The following YY1 variants were observed in gnomAD, a reference collection of about 807,000 sequenced individuals.
YY1 encodes transcriptional repressor protein YY1.
Under a neutral mutation model 35.6 loss-of-function variants are expected in YY1, and 2 were observed. The observed-to-expected ratio is 0.06, with a 90% CI of 0.02 to 0.18. YY1 has a LOEUF of 0.18. YY1 is among the 10% of genes least tolerant of loss of function. The probability of loss-of-function intolerance (pLI) is 1.00; values close to 1 mark genes in which losing one functional copy is unlikely to be tolerated. For missense variants in YY1, 322 were observed against 573.4 expected, an observed-to-expected ratio of 0.56 and a Z score of 4.48; for synonymous variants, 268 against 238.9, an observed-to-expected ratio of 1.12 and a Z score of -1.12.
intron 1 of YY1, among the ~76,000 whole-genome samples, chr14:100,253,892 A>G (rs890605554): frequency 5.3e-5 from 8 of 151,756 alleles, no homozygotes; most frequent in African/African-American, 1.7e-4. Context: ...GTGCAATGGC[A>G]TGATCTCAGC....
At chr14:100,269,954 G>T (rs1280364477) in intron 2 of YY1, among the ~76,000 whole-genome samples, 1 of 152,054 alleles carries the variant, frequency 6.6e-6, no homozygotes, top group Admixed American at 6.6e-5. Flanking sequence ...AAATTTCCAT[G>T]ATAAAATATC....
At chr14:100,259,598 A>C (rs1891052606) in intron 1 of YY1, among the ~76,000 whole-genome samples, 1 of 152,178 alleles carries the variant, frequency 6.6e-6, no homozygotes, top group South Asian at 2.1e-4. Flanking sequence ...TAGGAGCTCA[A>C]AGAAAAGGTA....
intron 2 of YY1, among the ~76,000 whole-genome samples, chr14:100,270,445 T>A: frequency 9.6e-6 from 1 of 104,444 alleles, no homozygotes. Flanking sequence ...ACCCCGTCTC[T>A]ACTAAAAATA....
rs1216620564 is a variant in YY1, at chr14:100,249,764, G to GT, written c.679+9846dup. On this transcript the variant is annotated intron_variant, in intron 1 of 4. Coordinates refer to ENST00000262238, the MANE Select transcript of YY1 (RefSeq NM_003403.5). ...CTACTTACCGTTTTTTTTTTTGTTTGTTTTTGTTTTTGTTTTTGTTTTTTT... is the reference window on the plus strand; with the variant it reads ...CTACTTACCGTTTTTTTTTTTGTTTGTTTTTTGTTTTTGTTTTTGTTTTTTT... 9.8e-3 allele frequency among the ~76,000 whole-genome samples: 1,322 copies of GT among 135,160 alleles called. 21 individuals carry two copies. Among genetic ancestry groups the GT allele is most frequent in the African/African-American group, 0.037 (1,269 of 33,928 alleles). The allele number at this position is 135,160 out of a possible 152,430, so 88.7% of individuals were successfully genotyped here. A position where few individuals can be genotyped will look rare whatever the true frequency, so the allele number is the denominator to read the frequency against.
intron 1 of YY1, among the ~76,000 whole-genome samples, chr14:100,256,034 G>A (rs897572480): frequency 6.6e-6 from 1 of 152,072 alleles, no homozygotes; most frequent in Non-Finnish European, 1.5e-5. Context: ...CTACTTGGGA[G>A]GTTGCAGCAG....
chr14:100,257,658 G>C (rs967663533), intron 1 of YY1, among the ~76,000 whole-genome samples: 1 of 151,926 alleles, frequency 6.6e-6, no homozygotes, highest in African/African-American at 2.4e-5. Flanking sequence ...GCAAACCAGG[G>C]AGTAGGTCCT....
At chr14:100,255,926 C>A (rs1044119854) in intron 1 of YY1, among the ~76,000 whole-genome samples, 6 of 152,074 alleles carry the variant, frequency 3.9e-5, no homozygotes, top group African/African-American at 1.5e-4. Context: ...CTTCTCCTCT[C>A]TGACTGTATT....
chr14:100,276,285 T>C lies in YY1; in HGVS notation c.904-205T>C. 1.5e-6 allele frequency: 1 copy of C among 654,142 alleles called. No homozygotes were observed. The highest frequency in any genetic ancestry group is 1.9e-5 in the South Asian group (1 of 51,944). The allele number at this position is 654,142 out of a possible 1,614,324, so 40.5% of individuals were successfully genotyped here. A position where few individuals can be genotyped will look rare whatever the true frequency, so the allele number is the denominator to read the frequency against. On this transcript the variant is annotated intron_variant, in intron 3 of 4. Transcript: ENST00000262238. This position sits in a 1 kb window ranked among gnomAD's most constrained non-coding sequence, Gnocchi z 4.1. ...GCCTCAGTTTCCTCATCTGTAAAAC[T>C]AGGGTTTGCATTGAATGATGACTTT...
At chr14:100,249,755 TTTTTGTTTGTTTTTG>T (rs1566771321) in intron 1 of YY1, among the ~76,000 whole-genome samples, 3 of 79,798 alleles carry the variant, frequency 3.8e-5, no homozygotes, top group Non-Finnish European at 5.0e-5. Flanking sequence ...ACCGTTTTTT[TTTTTGTTTGTTTTTG>T]TTTTTGTTTT....
Position 100,261,055 on chromosome 14 carries a change from C to G in YY1, c.680-1249C>G, listed in dbSNP as rs1047077383. On this transcript the variant is annotated intron_variant, in intron 1 of 4. Transcript: ENST00000262238. ...TAAGTGATCCTCCTGTCTTGATCTC[C>G]CAGAGTGCTGGGATTACAGGCATGA... Among the ~76,000 whole-genome samples the G allele has an allele frequency of 5.9e-5, 9 of 151,826 alleles. 1 individual carries two copies. The highest frequency in any genetic ancestry group is 2.2e-4 in the African/African-American group (9 of 41,328).
chr14:100,273,892 C>A (rs2146103), intron 2 of YY1, among the ~76,000 whole-genome samples: 38,246 of 151,940 alleles, frequency 0.25, 4,924 homozygotes, highest in Middle Eastern at 0.35. Context: ...AGGTAAGTTA[C>A]CAAACCAGGA....
Position 100,281,240 on chromosome 14 carries a change from T to C in YY1, c.*3640T>C, listed in dbSNP as rs892721456. On this transcript the variant is annotated 3_prime_UTR_variant, in exon 5 of 5. Coordinates refer to ENST00000262238, the MANE Select transcript of YY1 (RefSeq NM_003403.5). Reference sequence around the variant, plus strand: ...CTTTAATTATTTAATTATTCTTTAATAATCCTTCTATTTTCTTGACATCTG... The same window carrying C: ...CTTTAATTATTTAATTATTCTTTAACAATCCTTCTATTTTCTTGACATCTG... 2 of 152,012 alleles carry C rather than the reference T, an allele frequency of 1.3e-5. No individual in the cohort carries two copies. Among genetic ancestry groups the C allele is most frequent in the Non-Finnish European group, 2.9e-5 (2 of 68,012 alleles). 9.4% of individuals were successfully genotyped at this position (152,012 alleles called of 1,614,324 possible). A position where few individuals can be genotyped will look rare whatever the true frequency, so the allele number is the denominator to read the frequency against.
chr14:100,242,532 G>A (rs1890766071), intron 1 of YY1, among the ~76,000 whole-genome samples: 1 of 151,682 alleles, frequency 6.6e-6, no homozygotes. Context: ...GGGACTACAG[G>A]CGCCCACCAC....
intron 1 of YY1, among the ~76,000 whole-genome samples, chr14:100,242,760 T>G (rs978349929): frequency 6.6e-6 from 1 of 151,574 alleles, no homozygotes; most frequent in African/African-American, 2.4e-5. Context: ...TTTTCTTTTT[T>G]TAATTTGAGA....
intron 2 of YY1, among the ~76,000 whole-genome samples, chr14:100,269,727 AGT>A (rs1891206576): frequency 1.3e-5 from 2 of 152,224 alleles, no homozygotes; most frequent in African/African-American, 4.8e-5. Context: ...GGAGCTTAAG[AGT>A]GGCTGCATTT....
At chr14:100,243,609 A>G (rs558621863) in intron 1 of YY1, among the ~76,000 whole-genome samples, 7 of 152,078 alleles carry the variant, frequency 4.6e-5, no homozygotes, top group Non-Finnish European at 7.4e-5. Flanking sequence ...CCTTGGCAAT[A>G]TAGTGAGACC....
At chr14:100,244,479 C>T (rs899817438) in intron 1 of YY1, among the ~76,000 whole-genome samples, 4 of 151,228 alleles carry the variant, frequency 2.6e-5, no homozygotes, top group African/African-American at 7.3e-5. Flanking sequence ...GACGAAGTTT[C>T]GCCATGTTGC....
Position 100,239,846 on chromosome 14 carries a change from G to C in YY1, c.602G>C (p.Gly201Ala). The C allele has an allele frequency of 6.6e-7, 1 of 1,508,030 alleles. No homozygotes were observed. The highest frequency in any genetic ancestry group is 1.4e-5 in the African/African-American group (1 of 69,270). 93.4% of individuals were successfully genotyped at this position (1,508,030 alleles called of 1,614,324 possible). A position where few individuals can be genotyped will look rare whatever the true frequency, so the allele number is the denominator to read the frequency against. Residue 201 changes from glycine to alanine, a missense_variant, in exon 1 of 5, where the codon GGC (glycine) becomes GCC (alanine). Around this residue, in one of 4 missense-constraint regions of YY1, gnomAD observed 152 missense variants for 167.1 expected, o/e 0.91. Transcript: ENST00000262238. ...GCGGGCGGCGGCGGCGCCGACCCGG[G>C]CAACAAGAAGTGGGAGCAGAAGCAG... ...GAAGGGGADP[G>A]NKKWEQKQVQ...
chr14:100,268,653 A>T (rs1313779651), intron 2 of YY1, among the ~76,000 whole-genome samples: 1 of 152,232 alleles, frequency 6.6e-6, no homozygotes, highest in Non-Finnish European at 1.5e-5. Context: ...GTATCATCAC[A>T]TGAATATTAA....
Sources: allele counts gnomAD v4.1 joint callset (sites outside exome capture counted in the v4.1 genomes callset), GRCh38; gene constraint gnomAD v4.1.1; regional missense constraint gnomAD v4.1.1; non-coding constraint Gnocchi (gnomAD v3.1); transcripts MANE v1.5; gene names NCBI Gene and HGNC (gene_info 2026-07-23, HGNC 2026-07-21).